The following MTF2 variants were observed in gnomAD, a reference collection of about 807,000 sequenced individuals.
The protein encoded by MTF2 is metal-response element-binding transcription factor 2.
In MTF2, 11 loss-of-function variants were observed where a neutral mutation model predicts 79.5. The observed-to-expected ratio is 0.14, with a 90% CI of 0.09 to 0.23. The LOEUF (loss-of-function observed/expected upper bound fraction) is 0.23, where lower values mean the gene tolerates loss of function less well. Ranked by LOEUF, MTF2 falls within the 10% of genes least tolerant of loss-of-function variation. The pLI is 1.00. For missense variants in MTF2, 486 were observed against 711.2 expected (o/e 0.68, Z 3.60); for synonymous variants, 208 against 232.8 (o/e 0.89, Z 0.97).
chr1:93,135,156 G>A (rs1419188921), intron 14 of MTF2, among the ~76,000 whole-genome samples: 2 of 151,780 alleles, frequency 1.3e-5, no homozygotes, highest in Non-Finnish European at 2.9e-5. Context: ...ATTTTTAATA[G>A]AGATGGGGTT....
chr1:93,122,935 G>A (rs917114154), intron 9 of MTF2, among the ~76,000 whole-genome samples: 20 of 151,904 alleles, frequency 1.3e-4, no homozygotes, highest in Non-Finnish European at 2.4e-4. Flanking sequence ...AATGTTTGTA[G>A]TGATCAATAA....
intron 3 of MTF2, 130 bp from the exon 4 acceptor site, chr1:93,114,558 T>TGTG: frequency 1.7e-6 from 1 of 575,054 alleles, no homozygotes; most frequent in Admixed American, 3.6e-5. Context: ...TTCGTGTACT[T>TGTG]TGTCTTGTGA....
intron 3 of MTF2, among the ~76,000 whole-genome samples, chr1:93,111,622 CT>C (rs1435681430): frequency 6.6e-6 from 1 of 152,064 alleles, no homozygotes; most frequent in Non-Finnish European, 1.5e-5. Flanking sequence ...AACTAAGTAG[CT>C]TTTACTCTGG....
chr1:93,088,095 G>A (rs1441698819), intron 1 of MTF2, among the ~76,000 whole-genome samples: 1 of 152,106 alleles, frequency 6.6e-6, no homozygotes, highest in African/African-American at 2.4e-5. Context: ...CTTGCAGCAA[G>A]AGCCCCTCAG....
intron 1 of MTF2, among the ~76,000 whole-genome samples, chr1:93,101,579 T>TGTTTTTTG (rs1421358491): frequency 6.1e-4 from 63 of 103,364 alleles, no homozygotes; most frequent in African/African-American, 2.2e-3. Flanking sequence ...TTTTTTTTTT[T>TGTTTTTTG]TTTTTTTTTT....
rs1647519818 is a variant in MTF2 at position 93,139,044 on chromosome 1, A to C, written c.*2017A>C. The C allele has an allele frequency of 6.6e-6, 1 of 152,254 alleles. No homozygotes were observed. The highest frequency in any genetic ancestry group is 2.4e-5 in the African/African-American group (1 of 41,470). 9.4% of individuals were successfully genotyped at this position (152,254 alleles called of 1,614,324 possible). ...AATTGCTTTACTTAGAAATTAAAAC[A>C]GACCAACATTAAATGTGTGTATTTT... is the stretch of plus-strand genomic sequence containing the variant. On this transcript the variant is annotated 3_prime_UTR_variant, in exon 15 of 15. Transcript: ENST00000370298.
chr1:93,121,206 AGTGTAACTACCTATGCT>A (rs1316901094), intron 9 of MTF2: 10 of 975,376 alleles, frequency 1.0e-5, no homozygotes, highest in Non-Finnish European at 1.2e-5. Context: ...TCATTTTTGA[AGTGTAACTACCTATGCT>A]GGTTTACAGT....
chr1:93,119,103 A>G (rs763614630), intron 7 of MTF2, among the ~76,000 whole-genome samples: 38 of 152,366 alleles, frequency 2.5e-4, no homozygotes, highest in East Asian at 7.7e-4. Flanking sequence ...AAGGTCTCCA[A>G]TGGTTAAAAA....
At chr1:93,109,684 GT>G (rs879673870) in intron 1 of MTF2, among the ~76,000 whole-genome samples, 9 of 147,804 alleles carry the variant, frequency 6.1e-5, no homozygotes, top group Admixed American at 1.3e-4. Context: ...GGTTCTCAAT[GT>G]TTTTTTTTTT....
chr1:93,093,792 C>T (rs1380957752), intron 1 of MTF2, among the ~76,000 whole-genome samples: 1 of 152,060 alleles, frequency 6.6e-6, no homozygotes, highest in African/African-American at 2.4e-5. Flanking sequence ...TACACTACAG[C>T]CCTGAACTAG....
At position 93,110,268 on chromosome 1, in the gene MTF2, G is replaced by A. The variant is rs1655975261; in HGVS notation, c.44G>A (p.Arg15Gln). Reference sequence around the variant, plus strand: ...GCAGGTAATTCACTGGTCCACAAGCGGTCTCCTTTACGTCGAAACCAAAAG... The same window carrying A: ...GCAGGTAATTCACTGGTCCACAAGCAGTCTCCTTTACGTCGAAACCAAAAG... The part of the protein sequence containing the change: ...TGAGNSLVHK[R>Q]SPLRRNQKTP... The change falls in exon 2 of 15, where the codon CGG becomes CAG. Residue 15 changes from arginine (R) to glutamine (Q), a missense_variant. Arg to Gln is a conservative substitution (Grantham distance 43). Coordinates refer to ENST00000370298, the MANE Select transcript of MTF2 (RefSeq NM_007358.4). 5.6e-6 allele frequency: 9 copies of A among 1,613,872 alleles called. No homozygotes were observed. The highest frequency in any genetic ancestry group is 5.5e-5 in the South Asian group (5 of 91,070).
At chr1:93,103,347 T>A (rs546716551) in intron 1 of MTF2, among the ~76,000 whole-genome samples, 2 of 151,808 alleles carry the variant, frequency 1.3e-5, no homozygotes, top group African/African-American at 4.8e-5. Context: ...ATTGGAAACA[T>A]CCTAAATGTT....
At chr1:93,100,977 T>G (rs1297334304) in intron 1 of MTF2, among the ~76,000 whole-genome samples, 1 of 152,186 alleles carries the variant, frequency 6.6e-6, no homozygotes, top group Non-Finnish European at 1.5e-5. Flanking sequence ...AACCCACATA[T>G]TTACTACTTT....
chr1:93,104,335 A>G (rs1418567554), intron 1 of MTF2, among the ~76,000 whole-genome samples: 1 of 152,164 alleles, frequency 6.6e-6, no homozygotes, highest in East Asian at 1.9e-4. Context: ...ATGAAAGTAG[A>G]GTCTATTTTT....
intron 6 of MTF2, among the ~76,000 whole-genome samples, chr1:93,117,671 T>G (rs949443555): frequency 1.8e-4 from 28 of 152,138 alleles, no homozygotes; most frequent in African/African-American, 6.3e-4. Flanking sequence ...CATTTGATAT[T>G]TGGGGCAAAC....
intron 1 of MTF2, among the ~76,000 whole-genome samples, chr1:93,104,000 G>GA (rs1304121071): frequency 3.3e-5 from 5 of 152,024 alleles, no homozygotes; most frequent in Non-Finnish European, 7.4e-5. Context: ...GTGCAGTGGT[G>GA]AAGTCATGGC....
chr1:93,087,541 C>T (rs1173386417), intron 1 of MTF2, among the ~76,000 whole-genome samples: 4 of 146,540 alleles, frequency 2.7e-5, no homozygotes, highest in Middle Eastern at 3.9e-3. Flanking sequence ...CATTGCATGG[C>T]AGCCTGGGCA....
chr1:93,102,914 G>A (rs541856405), intron 1 of MTF2, among the ~76,000 whole-genome samples: 14 of 152,146 alleles, frequency 9.2e-5, no homozygotes, highest in South Asian at 4.1e-4. Context: ...GGCAAATCAC[G>A]AGGTCAGGAG....
chr1:93,085,266 C>G (rs1331009849), intron 1 of MTF2, among the ~76,000 whole-genome samples: 2 of 151,180 alleles, frequency 1.3e-5, no homozygotes, highest in Non-Finnish European at 2.9e-5. Context: ...AGCTCCGCCT[C>G]CCAGGTTCAT....
Sources: gnomAD v4.1 joint callset for allele counts (sites outside exome capture counted in the v4.1 genomes callset) on GRCh38, gnomAD v4.1.1 for gene constraint, MANE v1.5 for transcripts, NCBI Gene and HGNC (gene_info 2026-07-23, HGNC 2026-07-21) for gene names.